The following ZNF483 variants were observed in gnomAD, a reference collection of about 807,000 sequenced individuals.
ZNF483 encodes the protein zinc finger protein HIT-10.
ZNF483 carries 9 observed loss-of-function variants against 28.6 expected under a neutral mutation model. The ratio of observed to expected loss-of-function variants is 0.32; its 90% confidence interval spans 0.19 to 0.55. The LOEUF is 0.55. Ranked by LOEUF, ZNF483 falls within the 20% of genes least tolerant of loss-of-function variation. ZNF483 has a pLI of 0.93. For missense variants in ZNF483, 675 were observed against 871.7 expected, an observed-to-expected ratio of 0.77 and a Z score of 2.84; for synonymous variants, 322 against 306.2, an observed-to-expected ratio of 1.05 and a Z score of -0.54.
intron 1 of ZNF483, among the ~76,000 whole-genome samples, chr9:111,526,453 A>G (rs913164761): frequency 5.3e-5 from 8 of 152,116 alleles, no homozygotes; most frequent in Non-Finnish European, 1.2e-4. Context: ...TTTGCATGTT[A>G]GAAGGAATTT....
In ZNF483 at chr9:111,563,063, G is replaced by A. The variant is rs1828379636; in HGVS notation, c.722-13302G>A. ...AGGTAGTATACATTTTTGCTAAATG[G>A]TGAAAAACAAATTAACTAATCATCT... On this transcript the variant is annotated intron_variant, in intron 5 of 5. Transcript: ENST00000358151. 5.0e-6 allele frequency: 8 copies of A among 1,588,420 alleles called. No homozygotes were observed. In the Admixed American group the frequency reaches 9.0e-5, roughly 18 times the overall value.
downstream of ZNF483, among the ~76,000 whole-genome samples, chr9:111,556,832 G>GC (rs112010927): frequency 6.6e-6 from 1 of 152,122 alleles, no homozygotes; most frequent in African/African-American, 2.4e-5. Context: ...GTTTCCTGAG[G>GC]CCCCCCAGCC....
chr9:111,534,035 C>T (rs1827414991), intron 4 of ZNF483, among the ~76,000 whole-genome samples, 170 bp downstream of exon 4: 2 of 152,174 alleles, frequency 1.3e-5, no homozygotes, highest in Middle Eastern at 3.2e-3. Context: ...TGCAGCGTAT[C>T]TTCTAGAAAA....
chr9:111,531,608 C>T (rs1301612308), intron 3 of ZNF483, among the ~76,000 whole-genome samples: 1 of 152,132 alleles, frequency 6.6e-6, no homozygotes, highest in Non-Finnish European at 1.5e-5. Flanking sequence ...AACTCCTGAC[C>T]TAGGTGATCC....
At position 111,553,994 on chromosome 9, in the gene ZNF483, T is replaced by C. The variant is rs1828045964; in HGVS notation, c.*10824T>C. 6.6e-6 allele frequency among the ~76,000 whole-genome samples: 1 copy of C among 152,232 alleles called. No homozygotes were observed. The highest frequency in any genetic ancestry group is 2.1e-4 in the South Asian group (1 of 4,832). ...TCCCAGAGGCAGGGAAAGGAAGAAC[T>C]GGAGCATTGTGCAGTGTTTTTAAGC... On this transcript the variant is annotated 3_prime_UTR_variant, in exon 6 of 6. Coordinates refer to ENST00000309235, the MANE Select transcript of ZNF483 (RefSeq NM_133464.5).
Position 111,543,819 on chromosome 9 carries a change from T to C in ZNF483, c.*649T>C. Reference sequence around the variant, plus strand: ...TTTCTTTTTTGGGATGGAGTCTCACTATGTTGCCCAGACTGGTCTTGAACT... The same window carrying C: ...TTTCTTTTTTGGGATGGAGTCTCACCATGTTGCCCAGACTGGTCTTGAACT... On this transcript the variant is annotated 3_prime_UTR_variant, in exon 6 of 6. Transcript: ENST00000309235. 1 of 910,098 alleles carries C rather than the reference T, an allele frequency of 1.1e-6. No homozygotes were observed. The highest frequency in any genetic ancestry group is 1.3e-6 in the Non-Finnish European group (1 of 761,682). The allele number at this position is 910,098 out of a possible 1,614,324, so 56.4% of individuals were successfully genotyped here.
chr9:111,556,605 C>T (rs1158509996), downstream of ZNF483, among the ~76,000 whole-genome samples: 1 of 152,226 alleles, frequency 6.6e-6, no homozygotes, highest in African/African-American at 2.4e-5. Flanking sequence ...CACATAGAAA[C>T]TGCCAAGGTT....
chr9:111,573,584 G>C (rs10122818), intron 5 of ZNF483, among the ~76,000 whole-genome samples: 24,140 of 151,064 alleles, frequency 0.16, 2,467 homozygotes, highest in Non-Finnish European at 0.23. Flanking sequence ...TCCTTTTTTG[G>C]GGGGGGACCA....
At chr9:111,531,175 C>T (rs1051218552) in intron 3 of ZNF483, among the ~76,000 whole-genome samples, 3 of 151,862 alleles carry the variant, frequency 2.0e-5, no homozygotes, top group African/African-American at 7.3e-5. Flanking sequence ...CCAGCCTGGG[C>T]AACAGAGCAA....
rs944103968 is a variant in ZNF483 at position 111,544,290 on chromosome 9, A to C, written c.*1120A>C. 3 of 985,200 alleles carry C rather than the reference A, an allele frequency of 3.0e-6. No homozygotes were observed. The African/African-American group carries it at 5.2e-5, about 17-fold the overall frequency. The allele number at this position is 985,200 out of a possible 1,614,324, so 61.0% of individuals were successfully genotyped here. ...TACATTTTTTTGCAATTGGAGTGTA[A>C]ACATTCTGTGTGGCAACAGTTAAAA... On this transcript the variant is annotated 3_prime_UTR_variant, in exon 6 of 6. Coordinates refer to ENST00000309235, the MANE Select transcript of ZNF483 (RefSeq NM_133464.5).
chr9:111,577,671 C>T (rs1829118739), exon 6 of ZNF483: 1 of 152,042 alleles, frequency 6.6e-6, no homozygotes, highest in African/African-American at 2.4e-5. Context: ...ATGGCGAAAC[C>T]CCATCTCTAC....
At chr9:111,525,440 A>G (rs1482601381) in intron 1 of ZNF483, among the ~76,000 whole-genome samples, 178 bp downstream of exon 1, 1 of 152,168 alleles carries the variant, frequency 6.6e-6, no homozygotes, top group East Asian at 1.9e-4. Flanking sequence ...GCTTCCCTCC[A>G]TCCCTCCCTG....
At chr9:111,568,410 T>C (rs912034177) in intron 5 of ZNF483, among the ~76,000 whole-genome samples, 4 of 152,140 alleles carry the variant, frequency 2.6e-5, no homozygotes, top group Non-Finnish European at 5.9e-5. Context: ...TCCGCCCTGG[T>C]AAATTTGTGG....
Position 111,533,308 on chromosome 9 carries a change from T to C in ZNF483, c.502-431T>C, listed in dbSNP as rs147776014. ...TAATACCCTTGTTCTGAATCACTTA[T>C]AACAGTCATAGAATGATTAGCCGCT... On this transcript the variant is annotated intron_variant, in intron 3 of 5. Transcript: ENST00000309235. Among the ~76,000 whole-genome samples the C allele has an allele frequency of 2.5e-3, 388 of 152,336 alleles. 5 individuals carry two copies. The highest frequency in any genetic ancestry group is 8.3e-3 in the African/African-American group (346 of 41,560).
intron 3 of ZNF483, 76 bp from the exon 4 acceptor site, chr9:111,533,663 G>T: frequency 7.0e-7 from 1 of 1,424,806 alleles, no homozygotes. Flanking sequence ...AGCCATAATA[G>T]CCTGTCTCAA....
chr9:111,549,865 T>C lies in ZNF483; in HGVS notation c.*6695T>C. On this transcript the variant is annotated 3_prime_UTR_variant, in exon 6 of 6. Transcript: ENST00000309235. Reference sequence around the variant, plus strand: ...TAAGGCAGTTGCTTTAAAGTCTGTCTAGTGAGTCAATGTTTGGTCTTCCTC... The same window carrying C: ...TAAGGCAGTTGCTTTAAAGTCTGTCCAGTGAGTCAATGTTTGGTCTTCCTC... 2.0e-6 allele frequency: 2 copies of C among 1,013,614 alleles called. No homozygotes were observed. The highest frequency in any genetic ancestry group is 1.5e-6 in the Non-Finnish European group (1 of 670,086). 62.8% of individuals were successfully genotyped at this position (1,013,614 alleles called of 1,614,324 possible).
chr9:111,543,864 TC>T lies in ZNF483; in HGVS notation c.*696del, dbSNP rs1827738132. 1.0e-6 allele frequency: 1 copy of T among 974,792 alleles called. No individual in the cohort carries two copies. Among genetic ancestry groups the T allele is most frequent in the African/African-American group, 1.8e-5 (1 of 57,026 alleles). The allele number at this position is 974,792 out of a possible 1,614,324, so 60.4% of individuals were successfully genotyped here. A position where few individuals can be genotyped will look rare whatever the true frequency, so the allele number is the denominator to read the frequency against. ...TGAACTCCTGGGCTCAAGTGATCCTTCCATCTCACTTTCCTGAGTAGCTGAC... is the reference window on the plus strand; with the variant it reads ...TGAACTCCTGGGCTCAAGTGATCCTTCATCTCACTTTCCTGAGTAGCTGAC... On this transcript the variant is annotated 3_prime_UTR_variant, in exon 6 of 6. Transcript: ENST00000309235.
chr9:111,567,174 T>G (rs941742385), intron 5 of ZNF483, among the ~76,000 whole-genome samples: 2 of 152,162 alleles, frequency 1.3e-5, no homozygotes, highest in South Asian at 2.1e-4. Flanking sequence ...ATTTAAAAAC[T>G]TGCCTCACCT....
Position 111,527,561 on chromosome 9 carries a change from A to C in ZNF483, c.166A>C (p.Arg56=). 6.2e-7 allele frequency: 1 copy of C among 1,614,250 alleles called. No homozygotes were observed. Among genetic ancestry groups the C allele is most frequent in the Non-Finnish European group, 8.5e-7 (1 of 1,180,052 alleles). The part of the protein sequence containing the change: ...ADAESFRQRF[R]WFCYSEVAGP... ...TGCAGAGTCTTTCAGACAGAGGTTT[A>C]GGTGGTTTTGTTACTCAGAAGTAGC... Residue 56 remains arginine, a synonymous_variant, in exon 2 of 6, where the codon AGG becomes CGG. Transcript: ENST00000309235.
Sources: gnomAD v4.1 joint callset for allele counts (sites outside exome capture counted in the v4.1 genomes callset) on GRCh38, gnomAD v4.1.1 for gene constraint, MANE v1.5 for transcripts, NCBI Gene and HGNC (gene_info 2026-07-23, HGNC 2026-07-21) for gene names.